Variants in TPRG1 observed in about 807,000 individuals in gnomAD.
TPRG1 encodes tumor protein p63 regulated 1.
In TPRG1, 29 loss-of-function variants were observed where a neutral mutation model predicts 29.3. The observed-to-expected ratio is 0.99, with a 90% CI of 0.74 to 1.35. The LOEUF (loss-of-function observed/expected upper bound fraction) is 1.35. TPRG1 is among the 40% of genes most tolerant of loss of function. The pLI is 0.00. For synonymous variants in TPRG1, 130 were observed against 116.8 expected (o/e 1.11, Z -0.73); for missense variants, 327 against 335.0 (o/e 0.98, Z 0.19).
chr3:189,309,625 A>G (rs779674651), intron 4 of TPRG1, among the ~76,000 whole-genome samples: 2 of 152,142 alleles, frequency 1.3e-5, no homozygotes, highest in South Asian at 2.1e-4. Flanking sequence ...TTGTTATTCA[A>G]TGTGGCCACA....
intron 4 of TPRG1, among the ~76,000 whole-genome samples, chr3:189,263,582 T>TA (rs1713525260): frequency 6.6e-6 from 1 of 152,192 alleles, no homozygotes; most frequent in Non-Finnish European, 1.5e-5. Context: ...TGAAAGCACT[T>TA]ACTATAAACT....
chr3:189,124,920 C>CT (rs1722271684), intron 1 of TPRG1, among the ~76,000 whole-genome samples: 1 of 152,104 alleles, frequency 6.6e-6, no homozygotes. Context: ...AATTTATTAG[C>CT]TTGAAAGTTA....
At chr3:189,160,253 G>A (rs1446483653) in intron 5 of TPRG1, among the ~76,000 whole-genome samples, 1 of 152,178 alleles carries the variant, frequency 6.6e-6, no homozygotes, top group East Asian at 1.9e-4. Context: ...ATTTGATGGG[G>A]TGATTTCTTC....
At chr3:189,030,770 A>G (rs899993774) in intron 4 of TPRG1, among the ~76,000 whole-genome samples, 1 of 152,112 alleles carries the variant, frequency 6.6e-6, no homozygotes, top group African/African-American at 2.4e-5. Context: ...ATGCTTCTTA[A>G]CTCATTTAAC....
intron 4 of TPRG1, among the ~76,000 whole-genome samples, chr3:189,085,148 CA>C (rs559199005): frequency 6.6e-4 from 100 of 152,182 alleles, no homozygotes; most frequent in African/African-American, 2.3e-3. Context: ...ACTCTAAAAA[CA>C]AAACAAAAGC....
At chr3:189,016,742 C>T (rs1712955048) in intron 3 of TPRG1, among the ~76,000 whole-genome samples, 2 of 152,124 alleles carry the variant, frequency 1.3e-5, no homozygotes, top group Non-Finnish European at 2.9e-5. Context: ...CTTCCCCCTT[C>T]ATGCTCTCTT....
At chr3:189,021,511 G>A (rs892471312) in intron 3 of TPRG1, among the ~76,000 whole-genome samples, 6 of 152,126 alleles carry the variant, frequency 3.9e-5, no homozygotes, top group Admixed American at 6.5e-5. Flanking sequence ...GGCTGGATAT[G>A]AAATTCTGGG....
intron 1 of TPRG1, among the ~76,000 whole-genome samples, chr3:189,117,862 C>T (rs2108499780): frequency 6.6e-6 from 1 of 152,318 alleles, no homozygotes; most frequent in African/African-American, 2.4e-5. Context: ...TACCCAGTCT[C>T]AGGTATTTCT....
chr3:189,238,994 G>C, intron 4 of TPRG1, 85 bp downstream of exon 4: 1 of 1,278,480 alleles, frequency 7.8e-7, no homozygotes, highest in Non-Finnish European at 1.1e-6. Flanking sequence ...GTTTGGCCCT[G>C]TAAACTGGGA....
intron 4 of TPRG1, among the ~76,000 whole-genome samples, chr3:189,296,718 T>A (rs1306803987): frequency 6.6e-6 from 1 of 152,226 alleles, no homozygotes; most frequent in Non-Finnish European, 1.5e-5. Context: ...GAGGAGTGGT[T>A]GAAGAAATAG....
chr3:189,202,095 A>G (rs1256023653), intron 1 of TPRG1, among the ~76,000 whole-genome samples: 3 of 152,098 alleles, frequency 2.0e-5, no homozygotes, highest in Non-Finnish European at 2.9e-5. Flanking sequence ...TGCCTTTCAC[A>G]CTGATTAAAA....
chr3:189,313,313 A>G (rs1382404269), intron 5 of TPRG1: 1 of 152,236 alleles, frequency 6.6e-6, no homozygotes, highest in Non-Finnish European at 1.5e-5. Flanking sequence ...AAAAGAATAA[A>G]TAAGAAGAAA....
At chr3:189,014,632 T>G (rs1712825271) in intron 3 of TPRG1, among the ~76,000 whole-genome samples, 1 of 152,166 alleles carries the variant, frequency 6.6e-6, no homozygotes, top group African/African-American at 2.4e-5. Context: ...ATCTTCTCCC[T>G]TGCTGTTCTC....
At chr3:189,111,687 A>G (rs1369670116) in intron 1 of TPRG1, among the ~76,000 whole-genome samples, 1 of 152,176 alleles carries the variant, frequency 6.6e-6, no homozygotes, top group Non-Finnish European at 1.5e-5. Flanking sequence ...ATTTGTATAC[A>G]GTAACATGAT....
intron 4 of TPRG1, among the ~76,000 whole-genome samples, chr3:189,296,503 T>G (rs1249652875): frequency 6.8e-6 from 1 of 147,400 alleles, no homozygotes. Context: ...TAGATCTGTA[T>G]ATCTGTATAC....
intron 1 of TPRG1, among the ~76,000 whole-genome samples, chr3:189,201,344 A>G (rs1733454800): frequency 1.3e-5 from 2 of 152,226 alleles, no homozygotes; most frequent in South Asian, 4.1e-4. Flanking sequence ...AGATACCTGC[A>G]ATAGGATTTT....
Position 189,308,623 on chromosome 3 carries a change from A to G in TPRG1, c.480-1763A>G, listed in dbSNP as rs917103345. Among the ~76,000 whole-genome samples the G allele has an allele frequency of 2.5e-4, 38 of 152,146 alleles. 2 individuals are homozygous for G. Among genetic ancestry groups the G allele is most frequent in the African/African-American group, 9.2e-4 (38 of 41,430 alleles). ...AAAGGTCCTTTTTATAGTCACATTG[A>G]CTGGTTATTTAGAAATAGGGTCCCT... On this transcript the variant is annotated intron_variant, in intron 4 of 5. Coordinates refer to ENST00000345063, the MANE Select transcript of TPRG1 (RefSeq NM_198485.4).
chr3:189,186,868 TCTG>T (rs1312658275), intron 1 of TPRG1, among the ~76,000 whole-genome samples: 1 of 152,204 alleles, frequency 6.6e-6, no homozygotes, highest in African/African-American at 2.4e-5. Flanking sequence ...TTTCATATAT[TCTG>T]CTCACAATTG....
intron 5 of TPRG1, among the ~76,000 whole-genome samples, chr3:189,317,919 G>C (rs1723804302): frequency 6.6e-6 from 1 of 152,168 alleles, no homozygotes; most frequent in Admixed American, 6.6e-5. Context: ...ACGATGGGTA[G>C]AAACCTCTCT....
Sources: gnomAD v4.1 joint callset for allele counts (sites outside exome capture counted in the v4.1 genomes callset) on GRCh38, gnomAD v4.1.1 for gene constraint, MANE v1.5 for transcripts, NCBI Gene and HGNC (gene_info 2026-07-23, HGNC 2026-07-21) for gene names.